Variants in IL1RAPL1 observed in about 807,000 individuals in gnomAD.
The protein encoded by IL1RAPL1 is interleukin 1 receptor accessory protein like 1.
In IL1RAPL1, 3 loss-of-function variants were observed where a neutral mutation model predicts 48.4. The observed-to-expected ratio is 0.06, with a 90% CI of 0.03 to 0.16. The LOEUF is 0.16. IL1RAPL1 is among the 10% of genes least tolerant of loss of function. IL1RAPL1 has a pLI of 1.00. For missense variants in IL1RAPL1, 349 were observed against 530.6 expected (o/e 0.66, Z 3.36); for synonymous variants, 185 against 187.7 (o/e 0.99, Z 0.12).
chrX:29,925,379 T>C (rs1292044179), intron 8 of IL1RAPL1, among the ~76,000 whole-genome samples: 1 of 101,207 alleles, frequency 9.9e-6, no homozygotes, highest in Non-Finnish European at 2.0e-5. Context: ...GATTTGACAT[T>C]TTATAGTCAA....
chrX:29,369,180 G>A (rs749981793), intron 3 of IL1RAPL1: 1 of 110,705 alleles, frequency 9.0e-6, no homozygotes, highest in East Asian at 2.9e-4. Flanking sequence ...TGGAGCATGA[G>A]AAGTTGTGTG....
chrX:29,275,036 A>G (rs1006256934), intron 2 of IL1RAPL1, among the ~76,000 whole-genome samples: 4 of 110,479 alleles, frequency 3.6e-5, no homozygotes, highest in African/African-American at 9.9e-5. Flanking sequence ...ATCCCCTTCC[A>G]ATCCATCCTT....
intron 2 of IL1RAPL1, among the ~76,000 whole-genome samples, chrX:29,166,281 A>G (rs1929784330): frequency 8.9e-6 from 1 of 112,569 alleles, no homozygotes; most frequent in Non-Finnish European, 1.9e-5. Context: ...TATTTTAATA[A>G]CTTCATTCTT....
chrX:29,802,849 G>GTATATA (rs1929988981), intron 6 of IL1RAPL1, among the ~76,000 whole-genome samples: 5 of 81,376 alleles, frequency 6.1e-5, no homozygotes, highest in African/African-American at 2.5e-4. Context: ...ATACATATAT[G>GTATATA]TGTATATACG....
At chrX:28,703,196 T>A (rs755814523) in intron 1 of IL1RAPL1, among the ~76,000 whole-genome samples, 1 of 111,611 alleles carries the variant, frequency 9.0e-6, no homozygotes, top group Admixed American at 9.6e-5. Flanking sequence ...CCTGGGCAAG[T>A]TACTTGGCAG....
At chrX:29,062,623 G>A (rs931290553) in intron 2 of IL1RAPL1, among the ~76,000 whole-genome samples, 5 of 112,075 alleles carry the variant, frequency 4.5e-5, no homozygotes, top group African/African-American at 1.6e-4. Context: ...CAAACAATAA[G>A]CATTCATACT....
At chrX:29,498,885 T>G (rs149910508) in intron 5 of IL1RAPL1, among the ~76,000 whole-genome samples, 108 of 112,047 alleles carry the variant, frequency 9.6e-4, no homozygotes, top group African/African-American at 3.3e-3. Context: ...TGAGAAAACT[T>G]TTAATGTTGG....
intron 8 of IL1RAPL1, among the ~76,000 whole-genome samples, chrX:29,932,422 A>G (rs966250446): frequency 2.7e-5 from 3 of 112,201 alleles, no homozygotes; most frequent in African/African-American, 9.7e-5. Context: ...GCAAACAAAT[A>G]TTTATTGAAA....
intron 2 of IL1RAPL1, among the ~76,000 whole-genome samples, chrX:29,150,524 C>A (rs1929441890): frequency 9.0e-6 from 1 of 111,345 alleles, no homozygotes; most frequent in Non-Finnish European, 1.9e-5. Context: ...GCAAATAAAG[C>A]ATCTGAGCAT....
chrX:29,848,631 C>T (rs772946907), intron 6 of IL1RAPL1, among the ~76,000 whole-genome samples: 4 of 110,792 alleles, frequency 3.6e-5, no homozygotes, highest in East Asian at 2.8e-4. Context: ...GTTGTGGATG[C>T]GTTAGTCATA....
Position 28,693,361 on chromosome X carries a change from C to A in IL1RAPL1, c.-24-95959C>A, listed in dbSNP as rs745695685. Among the ~76,000 whole-genome samples the A allele has an allele frequency of 3.6e-5, 4 of 112,379 alleles. No individual in the cohort carries two copies. In the Admixed American group the frequency reaches 3.8e-4, roughly 11 times the overall value. On this transcript the variant is annotated intron_variant, in intron 1 of 10. Transcript: ENST00000378993. Reference sequence around the variant, plus strand: ...GCAGCTCTGCCAAAGCTATGTATTGCCATTCAACAGAAGATCAACAGGACA... The same window carrying A: ...GCAGCTCTGCCAAAGCTATGTATTGACATTCAACAGAAGATCAACAGGACA...
chrX:29,501,355 A>T (rs1024657452), intron 5 of IL1RAPL1, among the ~76,000 whole-genome samples: 14 of 111,029 alleles, frequency 1.3e-4, no homozygotes, highest in African/African-American at 4.6e-4. Flanking sequence ...TGGGCTTTTG[A>T]GGTCTCACAC....
At chrX:29,046,216 T>TAA (rs60842211) in intron 2 of IL1RAPL1, among the ~76,000 whole-genome samples, 1 of 102,459 alleles carries the variant, frequency 9.8e-6, no homozygotes. Context: ...ACTAGCTAAT[T>TAA]AAAAAAAAAA....
At chrX:29,240,486 C>T (rs1336956702) in intron 2 of IL1RAPL1, among the ~76,000 whole-genome samples, 1 of 108,268 alleles carries the variant, frequency 9.2e-6, no homozygotes, top group Non-Finnish European at 1.9e-5. Context: ...CCGCCCTTCT[C>T]GGCCTCCCAA....
chrX:29,920,153 A>G, intron 8 of IL1RAPL1, 59 bp downstream of exon 8: 2 of 1,163,710 alleles, frequency 1.7e-6, no homozygotes, highest in Non-Finnish European at 2.3e-6. Context: ...AGAAAAAATC[A>G]TTGGGAACCA....
intron 2 of IL1RAPL1, among the ~76,000 whole-genome samples, chrX:29,243,134 T>C (rs1050921978): frequency 1.8e-5 from 2 of 112,255 alleles, no homozygotes; most frequent in Non-Finnish European, 3.8e-5. Flanking sequence ...AGTCTTTCTG[T>C]TTAGGCTTTG....
chrX:28,961,211 C>T (rs776740347), intron 2 of IL1RAPL1, among the ~76,000 whole-genome samples: 3 of 110,503 alleles, frequency 2.7e-5, no homozygotes, highest in Non-Finnish European at 5.7e-5. Context: ...ACTGTTGTTG[C>T]TCTGATAGGG....
At position 29,847,137 on chromosome X, in the gene IL1RAPL1, ATC is replaced by A. The variant is rs770145474; in HGVS notation, c.779-70323_779-70322del. 5.0e-3 allele frequency among the ~76,000 whole-genome samples: 560 copies of A among 112,072 alleles called. 1 individual carries two copies. The highest frequency in any genetic ancestry group is 8.0e-3 in the Non-Finnish European group (427 of 53,174). ...AAATTCATTTGAGTCAAATGTAGAA[ATC>A]TCTGTAATTCGAGTAGATAAGGATA... On this transcript the variant is annotated intron_variant, in intron 6 of 10. Transcript: ENST00000378993.
intron 1 of IL1RAPL1, among the ~76,000 whole-genome samples, chrX:28,723,736 C>A (rs1935624971): frequency 9.0e-6 from 1 of 111,608 alleles, no homozygotes; most frequent in Admixed American, 9.5e-5. Context: ...CATTTAGTGG[C>A]ATAAATTTCC....
Sources: gnomAD v4.1 joint callset for allele counts (sites outside exome capture counted in the v4.1 genomes callset) on GRCh38, gnomAD v4.1.1 for gene constraint, MANE v1.5 for transcripts, NCBI Gene and HGNC (gene_info 2026-07-23, HGNC 2026-07-21) for gene names.